The following STXBP5L variants were observed in gnomAD, a reference collection of about 807,000 sequenced individuals.
The protein encoded by STXBP5L is syntaxin-binding protein 5-like.
In STXBP5L, 65 loss-of-function variants were observed where a neutral mutation model predicts 144.5. That is an observed-to-expected ratio of 0.45 (90% CI 0.37 to 0.55). STXBP5L has a LOEUF of 0.55. STXBP5L is among the 20% of genes least tolerant of loss of function. STXBP5L has a pLI of 0.00. For missense variants in STXBP5L, 1,298 were observed against 1,405.5 expected (o/e 0.92, Z 1.22); for synonymous variants, 505 against 469.6 (o/e 1.08, Z -0.97).
chr3:121,293,884 A>G (rs890390400), intron 19 of STXBP5L, among the ~76,000 whole-genome samples: 3 of 152,192 alleles, frequency 2.0e-5, no homozygotes, highest in Non-Finnish European at 2.9e-5. Context: ...AATAAATAAA[A>G]TAGAAGGTTC....
chr3:120,969,419 ATTTG>A (rs1939984972), intron 3 of STXBP5L, among the ~76,000 whole-genome samples: 2 of 135,102 alleles, frequency 1.5e-5, no homozygotes, highest in East Asian at 2.1e-4. Context: ...TTTCTTGTTA[ATTTG>A]TTTGAGTTCC....
Position 121,403,642 on chromosome 3 carries a change from G to C in STXBP5L, c.2588-3601G>C, listed in dbSNP as rs906353085. Reference sequence around the variant, plus strand: ...CATAAAACTTACTTTCTATGGTAGAGATAGATAATATGTGTGATAAATAAG... The same window carrying C: ...CATAAAACTTACTTTCTATGGTAGACATAGATAATATGTGTGATAAATAAG... On this transcript the variant is annotated intron_variant, in intron 22 of 26. Transcript: ENST00000471454. Among the ~76,000 whole-genome samples the C allele has an allele frequency of 4.6e-5, 7 of 152,252 alleles. No homozygotes were observed. The South Asian group carries it at 1.4e-3, about 31-fold the overall frequency.
chr3:120,998,865 A>G (rs995283217), intron 3 of STXBP5L, among the ~76,000 whole-genome samples: 1 of 152,174 alleles, frequency 6.6e-6, no homozygotes, highest in East Asian at 1.9e-4. Flanking sequence ...ATGAAGTGAG[A>G]GCTGACAGAA....
Position 121,302,149 on chromosome 3 carries a change from G to A in STXBP5L, c.2111-16326G>A, listed in dbSNP as rs55898073. Among the ~76,000 whole-genome samples the A allele has an allele frequency of 7.9e-3, 1,196 of 152,270 alleles. 13 individuals carry two copies. Among genetic ancestry groups the A allele is most frequent in the African/African-American group, 0.028 (1,153 of 41,554 alleles). On this transcript the variant is annotated intron_variant, in intron 19 of 26. Transcript: ENST00000471454. ...CCAGCTCCTCCTTGTACCTCTGGTA[G>A]AATTCGGCTGTGAATACATCTGGTC...
At chr3:120,990,590 G>T (rs1002539767) in intron 3 of STXBP5L, among the ~76,000 whole-genome samples, 1 of 151,666 alleles carries the variant, frequency 6.6e-6, no homozygotes, top group African/African-American at 2.4e-5. Context: ...AAACAGCATG[G>T]TACTGGTACC....
intron 7 of STXBP5L, among the ~76,000 whole-genome samples, chr3:121,124,069 ATAAT>A (rs144622679): frequency 0.12 from 18,175 of 151,816 alleles, 1,138 homozygotes; most frequent in Non-Finnish European, 0.14. Flanking sequence ...GCACATGTAA[ATAAT>A]TCATTTATTG....
At chr3:121,053,746 A>T (rs1286963508) in intron 5 of STXBP5L, among the ~76,000 whole-genome samples, 1 of 152,362 alleles carries the variant, frequency 6.6e-6, no homozygotes, top group Non-Finnish European at 1.5e-5. Flanking sequence ...ATGGCATCTA[A>T]TTAAACTAAA....
At chr3:121,089,600 G>T (rs1415605280) in intron 5 of STXBP5L, among the ~76,000 whole-genome samples, 2 of 150,844 alleles carry the variant, frequency 1.3e-5, no homozygotes, top group African/African-American at 2.4e-5. Context: ...TATTTCTCTG[G>T]GTTTATTCCG....
chr3:121,177,011 A>T (rs995270544), intron 9 of STXBP5L, among the ~76,000 whole-genome samples: 4 of 152,016 alleles, frequency 2.6e-5, no homozygotes, highest in Non-Finnish European at 4.4e-5. Context: ...AAAATTGGTA[A>T]CTCATTTTTT....
At chr3:121,053,198 C>T (rs1188094592) in intron 5 of STXBP5L, among the ~76,000 whole-genome samples, 1 of 152,166 alleles carries the variant, frequency 6.6e-6, no homozygotes, top group Non-Finnish European at 1.5e-5. Flanking sequence ...ATGCCATCCC[C>T]ATCAAACTAC....
intron 7 of STXBP5L, among the ~76,000 whole-genome samples, chr3:121,132,403 A>C (rs2045033789): frequency 6.6e-6 from 1 of 152,312 alleles, no homozygotes; most frequent in South Asian, 2.1e-4. Flanking sequence ...GGTAGATGCC[A>C]TAGCTACCCC....
At chr3:121,248,021 T>C (rs1194341367) in intron 14 of STXBP5L, among the ~76,000 whole-genome samples, 2 of 152,228 alleles carry the variant, frequency 1.3e-5, no homozygotes, top group African/African-American at 4.8e-5. Context: ...TTCTGACTGT[T>C]GTACGATGGT....
At chr3:121,096,777 G>A (rs1334959224) in intron 5 of STXBP5L, among the ~76,000 whole-genome samples, 2 of 152,168 alleles carry the variant, frequency 1.3e-5, no homozygotes, top group African/African-American at 2.4e-5. Flanking sequence ...TGAGGTTTCT[G>A]TCAGCCCCTA....
At chr3:121,239,142 C>CT in intron 13 of STXBP5L, 24 bp downstream of exon 13, 4 of 1,391,604 alleles carry the variant, frequency 2.9e-6, no homozygotes, top group Non-Finnish European at 3.9e-6. Flanking sequence ...TTATAAATAA[C>CT]TTTTTTTGTA....
At chr3:121,067,062 T>A (rs533164765) in intron 5 of STXBP5L, among the ~76,000 whole-genome samples, 18 of 152,210 alleles carry the variant, frequency 1.2e-4, no homozygotes, top group Non-Finnish European at 1.9e-4. Context: ...TTGAGTTATC[T>A]TTTTTAAAAA....
intron 19 of STXBP5L, among the ~76,000 whole-genome samples, chr3:121,295,512 A>G (rs1189798383): frequency 6.6e-6 from 1 of 152,152 alleles, no homozygotes; most frequent in Non-Finnish European, 1.5e-5. Context: ...AATTAGTAGG[A>G]AAAAATATGT....
chr3:121,353,667 T>C (rs1446727932), intron 20 of STXBP5L, among the ~76,000 whole-genome samples: 4 of 152,216 alleles, frequency 2.6e-5, no homozygotes, highest in Non-Finnish European at 5.9e-5. Context: ...AAGGGTTTTT[T>C]GTGTCTTTAT....
At chr3:121,108,359 T>C (rs1325005299) in intron 5 of STXBP5L, among the ~76,000 whole-genome samples, 1 of 152,204 alleles carries the variant, frequency 6.6e-6, no homozygotes, top group African/African-American at 2.4e-5. Context: ...TTGTTCTAAA[T>C]GGCTCTTATT....
intron 26 of STXBP5L, among the ~76,000 whole-genome samples, chr3:121,418,833 T>C (rs2047301782): frequency 6.6e-6 from 1 of 152,192 alleles, no homozygotes; most frequent in East Asian, 1.9e-4. Flanking sequence ...CATCCTCCAT[T>C]TTGTCTCAGT....
Sources: allele counts gnomAD v4.1 joint callset (sites outside exome capture counted in the v4.1 genomes callset), GRCh38; gene constraint gnomAD v4.1.1; transcripts MANE v1.5; gene names NCBI Gene and HGNC (gene_info 2026-07-23, HGNC 2026-07-21).